Variants in GRID2 observed in about 807,000 individuals in gnomAD.
The protein encoded by GRID2 is glutamate receptor ionotropic, delta-2.
Under a neutral mutation model 114.8 loss-of-function variants are expected in GRID2, and 33 were observed. The ratio of observed to expected loss-of-function variants is 0.29; its 90% confidence interval spans 0.22 to 0.38. The LOEUF (loss-of-function observed/expected upper bound fraction) is 0.38, where lower values mean the gene tolerates loss of function less well. Ranked by LOEUF, GRID2 falls within the 10% of genes least tolerant of loss-of-function variation. The probability of loss-of-function intolerance (pLI) is 1.00; values close to 1 mark genes in which losing one functional copy is unlikely to be tolerated. For synonymous variants in GRID2, 505 were observed against 449.9 expected, an observed-to-expected ratio of 1.12 and a Z score of -1.55; for missense variants, 1,184 against 1,257.7, an observed-to-expected ratio of 0.94 and a Z score of 0.89.
chr4:93,404,326 A>T (rs1199888944), intron 9 of GRID2, among the ~76,000 whole-genome samples: 1 of 152,134 alleles, frequency 6.6e-6, no homozygotes, highest in Non-Finnish European at 1.5e-5. Flanking sequence ...ATGATTGCAC[A>T]TATTTGCGAA....
chr4:92,842,667 A>G (rs1451970745), intron 2 of GRID2, among the ~76,000 whole-genome samples: 2 of 152,110 alleles, frequency 1.3e-5, no homozygotes. Flanking sequence ...AGCCATCTAG[A>G]AGCAAATGTG....
chr4:92,574,411 G>GTTTT (rs1727783712), intron 1 of GRID2, among the ~76,000 whole-genome samples: 1 of 122,920 alleles, frequency 8.1e-6, no homozygotes, highest in African/African-American at 3.1e-5. Context: ...CTGTACTTTA[G>GTTTT]TATTTTTTTT....
At chr4:93,780,629 C>A (rs927162920) in intron 1 of GRID2, among the ~76,000 whole-genome samples, 3 of 152,152 alleles carry the variant, frequency 2.0e-5, no homozygotes, top group Non-Finnish European at 4.4e-5. Flanking sequence ...ATATTTGCTA[C>A]CATTTTAAGT....
chr4:93,336,450 G>A lies in GRID2; in HGVS notation c.1246-59157G>A, dbSNP rs550070879. Among the ~76,000 whole-genome samples the A allele has an allele frequency of 4.6e-5, 7 of 152,230 alleles. No homozygotes were observed. The South Asian group carries it at 1.4e-3, about 32-fold the overall frequency. On this transcript the variant is annotated intron_variant, in intron 8 of 15. Transcript: ENST00000282020. ...CTTTCTGGTAATGTGGTTCTACAAC[G>A]AATATCTAGGTTATTTAGGTTTTTT...
intron 6 of GRID2, among the ~76,000 whole-genome samples, chr4:93,222,519 G>T (rs1363261567): frequency 1.3e-5 from 2 of 151,450 alleles, no homozygotes; most frequent in African/African-American, 4.9e-5. Context: ...ACAATGTGCA[G>T]GTTTGTTACA....
chr4:93,220,062 T>C (rs1744696109), intron 6 of GRID2, among the ~76,000 whole-genome samples: 2 of 152,044 alleles, frequency 1.3e-5, no homozygotes, highest in African/African-American at 4.8e-5. Flanking sequence ...TACAAGAGAT[T>C]GGTGTATTGT....
At chr4:92,935,004 A>G (rs2149525941) in intron 2 of GRID2, among the ~76,000 whole-genome samples, 1 of 146,872 alleles carries the variant, frequency 6.8e-6, no homozygotes, top group African/African-American at 2.4e-5. Flanking sequence ...TAAAACACCA[A>G]AAGCAATGGC....
At position 92,935,373 on chromosome 4, in the gene GRID2, T is replaced by A. The variant is rs1205598176; in HGVS notation, c.245-149622T>A. ...CCAGTTAGAATGGCAATCATTAAAA[T>A]GTCAGGAAACAACAGGTGCTGGAGA... On this transcript the variant is annotated intron_variant, in intron 2 of 15. Transcript: ENST00000282020. Among the ~76,000 whole-genome samples the A allele has an allele frequency of 1.2e-4, 17 of 146,190 alleles. 1 individual carries two copies. Among genetic ancestry groups the A allele is most frequent in the South Asian group, 6.9e-4 (3 of 4,336 alleles).
chr4:93,073,142 T>C (rs1167128302), intron 2 of GRID2, among the ~76,000 whole-genome samples: 1 of 152,106 alleles, frequency 6.6e-6, no homozygotes, highest in Non-Finnish European at 1.5e-5. Context: ...CCTTGGATAA[T>C]ACCATGGGAC....
chr4:93,583,237 G>A (rs760705848), intron 13 of GRID2, among the ~76,000 whole-genome samples: 53 of 152,120 alleles, frequency 3.5e-4, no homozygotes, highest in Admixed American at 8.5e-4. Context: ...TGAGGTTCAA[G>A]ATGGACATGA....
rs543588648 is a variant in GRID2 at position 93,208,116 on chromosome 4, T to C, written c.789+659T>C. Among the ~76,000 whole-genome samples, 10 of 152,086 alleles carry C rather than the reference T, an allele frequency of 6.6e-5. No individual in the cohort carries two copies. In the East Asian group the frequency reaches 1.9e-3, roughly 29 times the overall value. ...CAAATAATGTGATCACATACATTTT[T>C]CCTCAACAAGATGTAGTACTTGGTC... is the stretch of plus-strand genomic sequence containing the variant. On this transcript the variant is annotated intron_variant, in intron 5 of 15. Transcript: ENST00000282020.
At chr4:92,812,800 C>T (rs192532341) in intron 2 of GRID2, among the ~76,000 whole-genome samples, 103 of 152,210 alleles carry the variant, frequency 6.8e-4, no homozygotes, top group African/African-American at 2.3e-3. Context: ...TCCAATAACT[C>T]GTTGACAGAT....
At chr4:92,841,608 G>A (rs897162297) in intron 2 of GRID2, among the ~76,000 whole-genome samples, 1 of 151,988 alleles carries the variant, frequency 6.6e-6, no homozygotes, top group Non-Finnish European at 1.5e-5. Context: ...CCTACAAACA[G>A]GTGCAGCATT....
chr4:92,720,348 A>T (rs993210371), intron 2 of GRID2, among the ~76,000 whole-genome samples: 1 of 152,016 alleles, frequency 6.6e-6, no homozygotes. Context: ...AAAATATGTG[A>T]TTGTTACAGT....
intron 1 of GRID2, among the ~76,000 whole-genome samples, chr4:92,584,864 G>A (rs1034307322): frequency 1.4e-4 from 22 of 152,060 alleles, no homozygotes; most frequent in African/African-American, 4.6e-4. Flanking sequence ...TGTAACCTTT[G>A]GCTGTGTAAT....
chr4:92,658,587 C>T (rs922566201), intron 2 of GRID2, among the ~76,000 whole-genome samples: 1 of 151,548 alleles, frequency 6.6e-6, no homozygotes, highest in Admixed American at 6.6e-5. Context: ...AGAGAGAAGA[C>T]AGACATTTTC....
At chr4:92,656,433 T>C (rs1732238891) in intron 2 of GRID2, among the ~76,000 whole-genome samples, 1 of 151,428 alleles carries the variant, frequency 6.6e-6, no homozygotes, top group Admixed American at 6.6e-5. Flanking sequence ...AACAGTACAT[T>C]CTAGCAAGTT....
intron 1 of GRID2, among the ~76,000 whole-genome samples, chr4:92,484,481 T>C (rs1482865978): frequency 6.6e-6 from 1 of 152,150 alleles, no homozygotes; most frequent in Non-Finnish European, 1.5e-5. Context: ...CATAGAGTAC[T>C]CAGAAAAGAG....
chr4:92,641,070 C>G (rs1424359534), intron 2 of GRID2, among the ~76,000 whole-genome samples: 2 of 151,622 alleles, frequency 1.3e-5, no homozygotes, highest in African/African-American at 4.8e-5. Context: ...CATAGCTGAT[C>G]TAATTTTGTG....
Sources: gnomAD v4.1 joint callset for allele counts (sites outside exome capture counted in the v4.1 genomes callset) on GRCh38, gnomAD v4.1.1 for gene constraint, MANE v1.5 for transcripts, NCBI Gene and HGNC (gene_info 2026-07-23, HGNC 2026-07-21) for gene names.